SAXO1: variants seen among roughly 807,000 people sequenced by gnomAD.
SAXO1 encodes the protein stabilizer of axonemal microtubules 1.
In SAXO1, 21 loss-of-function variants were observed where a neutral mutation model predicts 17.5. The ratio of observed to expected loss-of-function variants is 1.20; its 90% confidence interval spans 0.85 to 1.72. The LOEUF is 1.72. SAXO1 is among the 40% of genes most tolerant of loss of function. The pLI, the probability that SAXO1 is intolerant of heterozygous loss-of-function variation, is 0.00. For missense variants in SAXO1, 843 were observed against 596.0 expected (o/e 1.41, Z -4.32); for synonymous variants, 274 against 216.5 (o/e 1.27, Z -2.33).
chr9:19,007,611 C>A (rs1275116805), intron 1 of SAXO1, among the ~76,000 whole-genome samples: 2 of 152,194 alleles, frequency 1.3e-5, no homozygotes, highest in Non-Finnish European at 2.9e-5. Context: ...ACATTACTTT[C>A]TTTTCTTAGG....
chr9:18,997,802 C>G (rs771381335), intron 1 of SAXO1, among the ~76,000 whole-genome samples: 3 of 152,190 alleles, frequency 2.0e-5, no homozygotes, highest in Non-Finnish European at 4.4e-5. Flanking sequence ...TGTTCTGAAG[C>G]CTCTGCTGGT....
chr9:18,967,771 G>A (rs538678330), intron 1 of SAXO1, among the ~76,000 whole-genome samples: 18 of 149,338 alleles, frequency 1.2e-4, no homozygotes, highest in East Asian at 3.9e-4. Context: ...TCTCACCAGC[G>A]TTCCGGGCAC....
At chr9:18,972,924 CA>C (rs1240031957) in intron 1 of SAXO1, among the ~76,000 whole-genome samples, 1 of 152,276 alleles carries the variant, frequency 6.6e-6, no homozygotes, top group East Asian at 1.9e-4. Flanking sequence ...GTAGTGGCAA[CA>C]GCCTCCGGTA....
intron 1 of SAXO1, among the ~76,000 whole-genome samples, chr9:18,998,146 T>A (rs7044999): frequency 2.0e-5 from 3 of 152,064 alleles, no homozygotes; most frequent in Non-Finnish European, 4.4e-5. Flanking sequence ...CTTCAGAAGG[T>A]TGGTAATAAC....
chr9:18,991,314 C>G (rs1563966023), intron 1 of SAXO1, among the ~76,000 whole-genome samples: 3 of 152,152 alleles, frequency 2.0e-5, no homozygotes, highest in Admixed American at 2.0e-4. Flanking sequence ...TGGGAACCAA[C>G]CCAAATGTCC....
At chr9:18,955,000 C>A (rs144299715) in intron 1 of SAXO1, among the ~76,000 whole-genome samples, 7 of 151,716 alleles carry the variant, frequency 4.6e-5, no homozygotes, top group Admixed American at 6.6e-5. Context: ...ATGTCATACA[C>A]GTCATTTTTA....
intron 1 of SAXO1, among the ~76,000 whole-genome samples, chr9:18,987,248 C>T (rs1421444124): frequency 6.6e-6 from 1 of 152,180 alleles, no homozygotes; most frequent in Non-Finnish European, 1.5e-5. Flanking sequence ...GATCTCACCC[C>T]TTCACCCAGG....
chr9:19,001,624 G>T (rs1237311252), intron 1 of SAXO1, among the ~76,000 whole-genome samples: 4 of 149,744 alleles, frequency 2.7e-5, no homozygotes, highest in African/African-American at 4.9e-5. Context: ...CCGAGATCGC[G>T]CATTGCACTC....
chr9:19,044,014 A>G (rs2130571), intron 1 of SAXO1, among the ~76,000 whole-genome samples: 70,634 of 151,446 alleles, frequency 0.47, 17,504 homozygotes, highest in African/African-American at 0.64. Flanking sequence ...GTTTTGTGGC[A>G]GGTGCCTGTA....
chr9:19,038,703 A>T (rs886326482), intron 1 of SAXO1, among the ~76,000 whole-genome samples: 1 of 151,794 alleles, frequency 6.6e-6, no homozygotes, highest in African/African-American at 2.4e-5. Context: ...ACATGTATAC[A>T]TATGTAACTA....
intron 3 of SAXO1, among the ~76,000 whole-genome samples, chr9:18,931,250 A>G (rs984576752): frequency 2.0e-5 from 3 of 152,216 alleles, no homozygotes; most frequent in African/African-American, 7.2e-5. Context: ...TGGACATTTC[A>G]TATAAATAGA....
intron 1 of SAXO1, among the ~76,000 whole-genome samples, chr9:19,023,157 G>GC (rs952150679): frequency 9.7e-5 from 3 of 30,952 alleles, no homozygotes; most frequent in African/African-American, 4.0e-4. Flanking sequence ...CCACCCCCCC[G>GC]CCCCACCGGA....
intron 1 of SAXO1, among the ~76,000 whole-genome samples, chr9:18,956,008 T>C (rs745744820): frequency 1.2e-4 from 18 of 151,696 alleles, no homozygotes; most frequent in African/African-American, 3.9e-4. Flanking sequence ...GGCACAATCA[T>C]AGCTCACTGC....
At chr9:18,977,489 G>C (rs888104534) in intron 1 of SAXO1, among the ~76,000 whole-genome samples, 1 of 152,124 alleles carries the variant, frequency 6.6e-6, no homozygotes, top group South Asian at 2.1e-4. Context: ...AATCATCCAA[G>C]ATCTTTCGTT....
chr9:18,933,189 CA>C (rs1317701193), intron 3 of SAXO1, among the ~76,000 whole-genome samples: 4 of 152,158 alleles, frequency 2.6e-5, no homozygotes, highest in African/African-American at 4.8e-5. Flanking sequence ...TGCCCTTTAT[CA>C]GGCTGAGGAA....
intron 1 of SAXO1, chr9:19,028,236 C>A: frequency 1.2e-6 from 1 of 852,136 alleles, no homozygotes; most frequent in Non-Finnish European, 1.8e-6. Context: ...ATTAGCCGGC[C>A]GTAGTGGCGG....
intron 1 of SAXO1, among the ~76,000 whole-genome samples, chr9:18,995,198 C>A (rs1316059748): frequency 6.6e-6 from 1 of 152,136 alleles, no homozygotes; most frequent in African/African-American, 2.4e-5. Flanking sequence ...GTCTAAAAAC[C>A]TAACCTAATG....
intron 3 of SAXO1, among the ~76,000 whole-genome samples, chr9:18,930,735 G>A (rs113693323): frequency 6.6e-6 from 1 of 152,174 alleles, no homozygotes; most frequent in Non-Finnish European, 1.5e-5. Flanking sequence ...CCGACCTCAG[G>A]TAATCCGCCC....
intron 1 of SAXO1, among the ~76,000 whole-genome samples, chr9:18,958,898 G>A (rs530988720): frequency 6.6e-6 from 1 of 152,302 alleles, no homozygotes; most frequent in Admixed American, 6.5e-5. Context: ...AAACCTTGGA[G>A]AAACCGTATT....
Sources: gnomAD v4.1 joint callset for allele counts (sites outside exome capture counted in the v4.1 genomes callset) on GRCh38, gnomAD v4.1.1 for gene constraint, MANE v1.5 for transcripts, NCBI Gene and HGNC (gene_info 2026-07-23, HGNC 2026-07-21) for gene names.